SH2D4A: variants seen among roughly 807,000 people sequenced by gnomAD.
The protein encoded by SH2D4A is SH2 domain-containing protein 4A.
In SH2D4A, 70 loss-of-function variants were observed where a neutral mutation model predicts 64.7. The ratio of observed to expected loss-of-function variants is 1.08; its 90% confidence interval spans 0.89 to 1.32. SH2D4A has a LOEUF of 1.32. Ranked by LOEUF, SH2D4A falls within the 40% of genes most tolerant of loss-of-function variation. The pLI, the probability that SH2D4A is intolerant of heterozygous loss-of-function variation, is 0.00. For synonymous variants in SH2D4A, 268 were observed against 200.7 expected (o/e 1.34, Z -2.83); for missense variants, 706 against 540.1 (o/e 1.31, Z -3.04).
At chr8:19,381,461 A>G (rs1255792497) in intron 8 of SH2D4A, among the ~76,000 whole-genome samples, 3 of 152,046 alleles carry the variant, frequency 2.0e-5, no homozygotes, top group African/African-American at 4.8e-5. Context: ...TCCTTCTCAG[A>G]GTGTTGTTAG....
chr8:19,381,950 T>G (rs887157002), intron 8 of SH2D4A, among the ~76,000 whole-genome samples: 2 of 152,160 alleles, frequency 1.3e-5, no homozygotes, highest in Non-Finnish European at 2.9e-5. Context: ...CATTGATCGA[T>G]TTTCATATAT....
intron 4 of SH2D4A, among the ~76,000 whole-genome samples, chr8:19,351,509 A>C (rs1463978282): frequency 2.6e-5 from 4 of 151,922 alleles, no homozygotes; most frequent in Non-Finnish European, 5.9e-5. Flanking sequence ...AGGCTGAGGC[A>C]GGAGAATGGC....
At position 19,394,657 on chromosome 8, in the gene SH2D4A, G is replaced by A; in HGVS notation, c.*15G>A. On this transcript the variant is annotated 3_prime_UTR_variant, in exon 10 of 10. Coordinates refer to ENST00000265807, the MANE Select transcript of SH2D4A (RefSeq NM_022071.4). ...TGTTTGAGTGACAGCCTCCATCAGG[G>A]TCATCCTACAGCCTCCAAGCGGGCT... The A allele has an allele frequency of 1.3e-6, 2 of 1,592,818 alleles. No homozygotes were observed. Among genetic ancestry groups the A allele is most frequent in the Non-Finnish European group, 1.7e-6 (2 of 1,166,494 alleles).
chr8:19,328,798 G>A (rs1015730515), intron 2 of SH2D4A, among the ~76,000 whole-genome samples: 2 of 152,204 alleles, frequency 1.3e-5, no homozygotes, highest in South Asian at 2.1e-4. Context: ...TAGCAGGCCT[G>A]TGAGGTAGGA....
At chr8:19,390,138 T>G (rs554670295) in intron 8 of SH2D4A, among the ~76,000 whole-genome samples, 1 of 152,098 alleles carries the variant, frequency 6.6e-6, no homozygotes, top group South Asian at 2.1e-4. Flanking sequence ...CCCAGCACTT[T>G]GGGAGGCCGA....
At chr8:19,391,469 G>A (rs1363366483) in intron 8 of SH2D4A, among the ~76,000 whole-genome samples, 2 of 152,132 alleles carry the variant, frequency 1.3e-5, no homozygotes, top group Non-Finnish European at 2.9e-5. Context: ...CGTCTGCTGG[G>A]AATGAGTGTA....
intron 4 of SH2D4A, among the ~76,000 whole-genome samples, chr8:19,342,403 G>A (rs2052543136): frequency 6.6e-6 from 1 of 152,234 alleles, no homozygotes; most frequent in Non-Finnish European, 1.5e-5. Flanking sequence ...GCTGAGGCCA[G>A]CCTCAAGGGA....
At chr8:19,350,431 C>T (rs763807913) in intron 4 of SH2D4A, among the ~76,000 whole-genome samples, 1 of 152,150 alleles carries the variant, frequency 6.6e-6, no homozygotes, top group Non-Finnish European at 1.5e-5. Flanking sequence ...CTAACGTGCT[C>T]ATAATAAACT....
At chr8:19,320,960 C>A (rs1408302398) in intron 2 of SH2D4A, among the ~76,000 whole-genome samples, 2 of 152,186 alleles carry the variant, frequency 1.3e-5, no homozygotes, top group African/African-American at 4.8e-5. Context: ...GTCAGTGTAG[C>A]GTCCTTTACT....
At chr8:19,379,294 T>G (rs146151814) in intron 8 of SH2D4A, among the ~76,000 whole-genome samples, 50 of 152,284 alleles carry the variant, frequency 3.3e-4, no homozygotes, top group Non-Finnish European at 6.2e-4. Context: ...AGTGGCTTAT[T>G]TCATTTAGTG....
At chr8:19,315,218 C>G (rs2117158634) in intron 1 of SH2D4A, among the ~76,000 whole-genome samples, 1 of 152,242 alleles carries the variant, frequency 6.6e-6, no homozygotes, top group South Asian at 2.1e-4. Context: ...TCACTGTAGC[C>G]TCAAACTCTC....
In SH2D4A at chr8:19,396,136, G is replaced by A. The variant is rs899823352; in HGVS notation, c.*1494G>A. ...TGGAGATCATTTTTCTTGGAGGATG[G>A]AGATTGGCTAGTACCTCTGGCCTAA... On this transcript the variant is annotated 3_prime_UTR_variant, in exon 10 of 10. Transcript: ENST00000265807. 2 of 152,218 alleles carry A rather than the reference G, an allele frequency of 1.3e-5. No homozygotes were observed. The highest frequency in any genetic ancestry group is 2.9e-5 in the Non-Finnish European group (2 of 68,070). The allele number at this position is 152,218 out of a possible 1,614,324, so 9.4% of individuals were successfully genotyped here.
In SH2D4A at chr8:19,364,178, G is replaced by A; in HGVS notation, c.813G>A (p.Glu271=). Residue 271 remains glutamate, a synonymous_variant, in exon 7 of 10, where the codon GAG becomes GAA. Transcript: ENST00000265807. The part of the protein sequence containing the change: ...SLGAQKGRGG[E]RLQSPLRVPQ... ...GGGCCCAGAAAGGAAGAGGCGGTGA[G>A]AGGCTGCAAAGCCCCTTGCGTGTTC... The A allele has an allele frequency of 1.9e-6, 3 of 1,614,142 alleles. No individual in the cohort carries two copies. The highest frequency in any genetic ancestry group is 2.5e-6 in the Non-Finnish European group (3 of 1,180,008).
chr8:19,383,721 T>TGA (rs2053338476), intron 8 of SH2D4A, among the ~76,000 whole-genome samples: 1 of 152,146 alleles, frequency 6.6e-6, no homozygotes, highest in Admixed American at 6.6e-5. Flanking sequence ...GCTTCTTTTT[T>TGA]AGCCTGTATC....
At chr8:19,322,612 C>A (rs1469729555) in intron 2 of SH2D4A, among the ~76,000 whole-genome samples, 4 of 126,796 alleles carry the variant, frequency 3.2e-5, no homozygotes, top group Non-Finnish European at 4.8e-5. Flanking sequence ...GTCTATTATT[C>A]TTTTTTTTTT....
At position 19,320,562 on chromosome 8, in the gene SH2D4A, C is replaced by A. The variant is rs75634946; in HGVS notation, c.181+834C>A. Among the ~76,000 whole-genome samples, 435 of 141,842 alleles carry A rather than the reference C, an allele frequency of 3.1e-3. 10 individuals carry two copies. Among genetic ancestry groups the A allele is most frequent in the Admixed American group, 0.026 (347 of 13,510 alleles). The allele number at this position is 141,842 out of a possible 152,430, so 93.1% of individuals were successfully genotyped here. A position where few individuals can be genotyped will look rare whatever the true frequency, so the allele number is the denominator to read the frequency against. On this transcript the variant is annotated intron_variant, in intron 2 of 9. Transcript: ENST00000265807. ...TTGCTTGAGCTCAGGAGATCGAGGC[C>A]ACACTGAACTGAAATCACACCTCTG...
intron 4 of SH2D4A, among the ~76,000 whole-genome samples, chr8:19,344,145 C>T (rs2052573676): frequency 6.6e-6 from 1 of 152,006 alleles, no homozygotes. Context: ...TGTGGCTTAC[C>T]CTAGTACCCA....
intron 4 of SH2D4A, among the ~76,000 whole-genome samples, chr8:19,337,771 T>C (rs2052467183): frequency 6.6e-6 from 1 of 152,132 alleles, no homozygotes; most frequent in Non-Finnish European, 1.5e-5. Flanking sequence ...ACCCACTCAC[T>C]ATCACAAGAA....
At chr8:19,347,500 T>G (rs902667404) in intron 4 of SH2D4A, among the ~76,000 whole-genome samples, 2 of 152,220 alleles carry the variant, frequency 1.3e-5, no homozygotes, top group Non-Finnish European at 2.9e-5. Flanking sequence ...GTTGGGAGAA[T>G]GGCAGACTCT....
Sources: gnomAD v4.1 joint callset for allele counts (sites outside exome capture counted in the v4.1 genomes callset) on GRCh38, gnomAD v4.1.1 for gene constraint, MANE v1.5 for transcripts, NCBI Gene and HGNC (gene_info 2026-07-23, HGNC 2026-07-21) for gene names.